PLEKHA1: variants seen among roughly 807,000 people sequenced by gnomAD.
The protein encoded by PLEKHA1 is pleckstrin homology domain-containing family A member 1.
Under a neutral mutation model 52.0 loss-of-function variants are expected in PLEKHA1, and 34 were observed. The ratio of observed to expected loss-of-function variants is 0.65; its 90% CI spans 0.50 to 0.87. The LOEUF is 0.87. PLEKHA1 is among the 40% of genes least tolerant of loss of function. The pLI is 0.00. For missense variants in PLEKHA1, 497 were observed against 504.2 expected (o/e 0.99, Z 0.14); for synonymous variants, 163 against 170.7 (o/e 0.95, Z 0.35).
At chr10:122,386,117 G>A (rs182875182) in intron 1 of PLEKHA1, among the ~76,000 whole-genome samples, 19 of 152,210 alleles carry the variant, frequency 1.2e-4, no homozygotes, top group African/African-American at 4.1e-4. Flanking sequence ...ATGATAGTTC[G>A]TTTATTTCAC....
In PLEKHA1 at chr10:122,412,952, TGATAACCTAA is replaced by T; in HGVS notation, c.377_386del (p.Asp126ValfsTer32). 1 of 1,613,618 alleles carries T rather than the reference TGATAACCTAA, an allele frequency of 6.2e-7. No homozygotes were observed. The highest frequency in any genetic ancestry group is 8.5e-7 in the Non-Finnish European group (1 of 1,179,646). ...AGCAGTCAGACTCACAGCCTAATTCTGATAACCTAAGTCGCCATGGTGAATGTGGGAAAAA... is the reference window on the plus strand; with the variant it reads ...AGCAGTCAGACTCACAGCCTAATTCTGTCGCCATGGTGAATGTGGGAAAAA... On this transcript the variant is annotated frameshift_variant, in exon 6 of 12. Coordinates refer to ENST00000368990, the MANE Select transcript of PLEKHA1 (RefSeq NM_001001974.4). LOFTEE classifies it high-confidence loss of function.
At chr10:122,384,719 A>G (rs1478488284) in intron 1 of PLEKHA1, among the ~76,000 whole-genome samples, 2 of 152,018 alleles carry the variant, frequency 1.3e-5, no homozygotes, top group South Asian at 2.1e-4. Context: ...TTGGGAGGCC[A>G]ATGCAGGTGG....
chr10:122,392,433 A>G (rs1479186421), intron 1 of PLEKHA1: 2 of 152,160 alleles, frequency 1.3e-5, no homozygotes, highest in African/African-American at 4.8e-5. Context: ...TTATGTTCAC[A>G]TGATAGGTGA....
In PLEKHA1 at chr10:122,424,938, G is replaced by A. The variant is rs147706669; in HGVS notation, c.789G>A (p.Thr263=). ...ACAACCTCTTTGAAATTGTAACAAC[G>A]TCTCGAACTTTCTATGTGCAGGTAA... ...MRDNLFEIVT[T]SRTFYVQADS... Residue 263 remains threonine (T), a synonymous_variant, in exon 10 of 12, where the codon ACG becomes ACA. Transcript: ENST00000368990. 16 of 1,608,466 alleles carry A rather than the reference G, an allele frequency of 9.9e-6. No individual in the cohort carries two copies. Among genetic ancestry groups the A allele is most frequent in the Non-Finnish European group, 1.2e-5 (14 of 1,177,270 alleles).
At chr10:122,422,276 TAA>T (rs2097270755) in intron 8 of PLEKHA1, 1 of 152,136 alleles carries the variant, frequency 6.6e-6, no homozygotes, top group African/African-American at 2.4e-5. Flanking sequence ...CAGGGTTTGA[TAA>T]AACTAGTTGC....
chr10:122,409,118 CCTTA>C (rs1437537713), intron 5 of PLEKHA1, among the ~76,000 whole-genome samples: 1 of 152,084 alleles, frequency 6.6e-6, no homozygotes, highest in East Asian at 1.9e-4. Flanking sequence ...CTGTGACTTT[CCTTA>C]CTTGAGTCTA....
chr10:122,398,523 CA>C, intron 3 of PLEKHA1, among the ~76,000 whole-genome samples: 1 of 151,132 alleles, frequency 6.6e-6, no homozygotes, highest in Non-Finnish European at 1.5e-5. Context: ...TTGTCAGGTA[CA>C]TTTTTTTCTT....
chr10:122,396,306 T>C (rs2096848556), intron 2 of PLEKHA1, among the ~76,000 whole-genome samples: 1 of 152,136 alleles, frequency 6.6e-6, no homozygotes, highest in African/African-American at 2.4e-5. Flanking sequence ...TTAGAGATTC[T>C]TGAAGACATA....
intron 5 of PLEKHA1, among the ~76,000 whole-genome samples, chr10:122,407,688 A>G (rs2097042004): frequency 6.6e-6 from 1 of 152,218 alleles, no homozygotes; most frequent in Admixed American, 6.5e-5. Flanking sequence ...AGAGAAATAC[A>G]TAGCAGGCCT....
rs1225518314 is a variant in PLEKHA1 at position 122,415,900 on chromosome 10, T to C, written c.510T>C (p.Asn170=). 1.9e-5 allele frequency: 31 copies of C among 1,613,100 alleles called. No individual in the cohort carries two copies. Among genetic ancestry groups the C allele is most frequent in the Non-Finnish European group, 2.6e-5 (31 of 1,179,256 alleles). The change falls in exon 7 of 12, where the codon AAT becomes AAC. Residue 170 remains asparagine (N), a synonymous_variant. Transcript: ENST00000368990. ...VNECGESIDR[N]NLKRSQSHLP... is the part of the protein sequence containing the mutation. ...AATGTGGTGAAAGTATTGACAGAAA[T>C]AATCTGAAACGGTCACAAAGCCATC...
chr10:122,376,914 T>C (rs1461729793), intron 1 of PLEKHA1, among the ~76,000 whole-genome samples: 1 of 152,218 alleles, frequency 6.6e-6, no homozygotes, highest in Non-Finnish European at 1.5e-5. Flanking sequence ...AGGAAGATAC[T>C]TGGGAAAGGT....
At chr10:122,383,775 G>A (rs2096649759) in intron 1 of PLEKHA1, among the ~76,000 whole-genome samples, 1 of 152,062 alleles carries the variant, frequency 6.6e-6, no homozygotes, top group Admixed American at 6.6e-5. Context: ...TTTTAAGTAT[G>A]TCAGTGTTTT....
At chr10:122,424,416 C>A (rs1345753586) in intron 9 of PLEKHA1, among the ~76,000 whole-genome samples, 153 bp downstream of exon 9, 1 of 151,888 alleles carries the variant, frequency 6.6e-6, no homozygotes, top group Non-Finnish European at 1.5e-5. Flanking sequence ...TTTTCAAAAC[C>A]CTCAGAGTAA....
intron 1 of PLEKHA1, among the ~76,000 whole-genome samples, chr10:122,390,980 A>G (rs1565155855): frequency 6.6e-6 from 1 of 152,044 alleles, no homozygotes; most frequent in African/African-American, 2.4e-5. Flanking sequence ...TCTTTTAATT[A>G]TAGCCATCCT....
chr10:122,376,861 A>G (rs2096545629), intron 1 of PLEKHA1, among the ~76,000 whole-genome samples: 1 of 152,246 alleles, frequency 6.6e-6, no homozygotes, highest in Non-Finnish European at 1.5e-5. Context: ...TCATTCAAGT[A>G]TCGTTTGCTA....
chr10:122,415,792 G>A (rs1468710044), intron 6 of PLEKHA1, 67 bp from the exon 7 acceptor site: 4 of 1,434,010 alleles, frequency 2.8e-6, no homozygotes, highest in African/African-American at 2.9e-5. Flanking sequence ...TTTTCTACTG[G>A]GATAATATGA....
In PLEKHA1 at chr10:122,429,704, C is replaced by T; in HGVS notation, c.981C>T (p.Ala327=). 1 of 1,614,138 alleles carries T rather than the reference C, an allele frequency of 6.2e-7. No individual in the cohort carries two copies. Among genetic ancestry groups the T allele is most frequent in the South Asian group, 1.1e-5 (1 of 91,078 alleles). Residue 327 remains alanine, a synonymous_variant, in exon 12 of 12, where the codon GCC becomes GCT. Coordinates refer to ENST00000368990, the MANE Select transcript of PLEKHA1 (RefSeq NM_001001974.4). The part of the protein sequence containing the change: ...NAATATSHST[A]SRSNSLVSTF... ...CCACCGCCACCTCACATTCCACAGC[C>T]TCTCGCAGCAACTCTTTGGTCTCAA...
In PLEKHA1 at chr10:122,393,298, A is replaced by T. The variant is rs766479242; in HGVS notation, c.98A>T (p.Asp33Val). ...GKFLRRYFIL[D>V]TREDSFVWYM... The stretch of plus-strand genomic sequence containing the variant: ...TTTCTTCGAAGGTACTTCATACTGG[A>T]TACCAGAGAAGATAGTTTCGTGTGG... The change falls in exon 2 of 12, where the codon GAT becomes GTT. Residue 33 changes from aspartate (D) to valine (V), a missense_variant. By Grantham distance (152) the Asp-to-Val change is radical. Coordinates refer to ENST00000368990, the MANE Select transcript of PLEKHA1 (RefSeq NM_001001974.4). This position sits in a 1 kb window ranked among gnomAD's most constrained non-coding sequence, Gnocchi z 4.5. 6.2e-7 allele frequency: 1 copy of T among 1,612,778 alleles called. No individual in the cohort carries two copies. The highest frequency in any genetic ancestry group is 1.3e-5 in the African/African-American group (1 of 74,920).
chr10:122,379,578 C>T (rs1013556781), intron 1 of PLEKHA1, among the ~76,000 whole-genome samples: 3 of 152,222 alleles, frequency 2.0e-5, no homozygotes, highest in East Asian at 1.9e-4. Context: ...CTTTTCCCTG[C>T]GTTCTCCCTG....
Sources: allele counts gnomAD v4.1 joint callset (sites outside exome capture counted in the v4.1 genomes callset), GRCh38; gene constraint gnomAD v4.1.1; non-coding constraint Gnocchi (gnomAD v3.1); transcripts MANE v1.5; gene names NCBI Gene and HGNC (gene_info 2026-07-23, HGNC 2026-07-21).